Variants in SH3BGRL2 observed in about 807,000 individuals in gnomAD.
SH3BGRL2 encodes the protein SH3 domain binding glutamate rich protein like 2, also known as SH3 domain-binding glutamic acid-rich-like protein 2.
In SH3BGRL2, 21 loss-of-function variants were observed where a neutral mutation model predicts 14.8. The observed-to-expected ratio is 1.42, with a 90% CI of 1.01 to 2.05. SH3BGRL2 has a LOEUF of 2.05. Among genes scored for constraint, SH3BGRL2 ranks in the 30% most tolerant of loss-of-function variants. The pLI is 0.00. For missense variants in SH3BGRL2, 147 were observed against 130.8 expected, an observed-to-expected ratio of 1.12 and a Z score of -0.61; for synonymous variants, 50 against 47.8, an observed-to-expected ratio of 1.05 and a Z score of -0.19.
At chr6:79,586,002 C>A in the SH3BGRL2 span, among the ~76,000 whole-genome samples, 1 of 151,884 alleles carries the variant, frequency 6.6e-6, no homozygotes, top group Non-Finnish European at 1.5e-5. Flanking sequence ...TCGAGGCCAG[C>A]CTGACCAACA....
At position 79,673,631 on chromosome 6, in the gene SH3BGRL2, A is replaced by G. The variant is rs1355544480; in HGVS notation, c.63A>G (p.Gln21=). The G allele has an allele frequency of 6.2e-7, 1 of 1,614,046 alleles. No individual in the cohort carries two copies. The highest frequency in any genetic ancestry group is 1.3e-5 in the African/African-American group (1 of 75,028). The change falls in exon 2 of 4, where the codon CAA becomes CAG. Residue 21 remains glutamine (Q), a synonymous_variant. Transcript: ENST00000369838. The part of the protein sequence containing the change: ...SGFVAIKKKQ[Q]DVVRFLEANK... ...CTCTTTAGATAAAGAAGAAGCAGCA[A>G]GATGTGGTTAGATTTCTGGAAGCCA... is the stretch of plus-strand genomic sequence containing the variant.
At chr6:79,580,667 C>T in the SH3BGRL2 span, among the ~76,000 whole-genome samples, 1 of 152,126 alleles carries the variant, frequency 6.6e-6, no homozygotes, top group Non-Finnish European at 1.5e-5. Flanking sequence ...ATTTATAGCA[C>T]TAAATGCCCA....
chr6:79,610,257 C>T, the SH3BGRL2 span, among the ~76,000 whole-genome samples: 1 of 152,210 alleles, frequency 6.6e-6, no homozygotes, highest in African/African-American at 2.4e-5. Flanking sequence ...TGCATAGTCT[C>T]TTAACTCATT....
chr6:79,673,199 G>T (rs1883878), intron 1 of SH3BGRL2, among the ~76,000 whole-genome samples: 125,050 of 151,444 alleles, frequency 0.83, 51,749 homozygotes, highest in East Asian at 0.98. Context: ...GAGAACTAAG[G>T]CACTCTGTCA....
intron 3 of SH3BGRL2, among the ~76,000 whole-genome samples, chr6:79,699,076 A>C (rs1268352214): frequency 7.4e-6 from 1 of 134,492 alleles, no homozygotes; most frequent in Non-Finnish European, 1.6e-5. Context: ...GAGGGTGCGC[A>C]GGGGTGGCAG....
the SH3BGRL2 span, among the ~76,000 whole-genome samples, chr6:79,571,150 G>A: frequency 6.6e-6 from 1 of 152,190 alleles, no homozygotes. Flanking sequence ...GAATGAAAGC[G>A]CATTAATGCT....
In SH3BGRL2 at chr6:79,684,129, C is replaced by T. The variant is rs146232340; in HGVS notation, c.231+10330C>T. 2.0e-5 allele frequency among the ~76,000 whole-genome samples: 3 copies of T among 152,294 alleles called. No homozygotes were observed. In the East Asian group the frequency reaches 5.8e-4, roughly 29 times the overall value. ...TATTTAGGGCTAATGGCTACATCTA[C>T]TATATGATACTTAAGGGAAAGCCCT... On this transcript the variant is annotated intron_variant, in intron 2 of 3. Coordinates refer to ENST00000369838, the MANE Select transcript of SH3BGRL2 (RefSeq NM_031469.4).
chr6:79,562,357 A>T, the SH3BGRL2 span, among the ~76,000 whole-genome samples: 1 of 152,238 alleles, frequency 6.6e-6, no homozygotes, highest in Non-Finnish European at 1.5e-5. Context: ...AAATATTAAT[A>T]TGTAAGTGTG....
intron 2 of SH3BGRL2, among the ~76,000 whole-genome samples, chr6:79,684,925 C>G (rs1050202234): frequency 2.0e-5 from 3 of 152,062 alleles, no homozygotes. Flanking sequence ...TTCCAGATAC[C>G]AGGAGGGGAA....
chr6:79,667,270 C>A (rs144482773), intron 1 of SH3BGRL2, among the ~76,000 whole-genome samples: 2 of 152,070 alleles, frequency 1.3e-5, no homozygotes, highest in Non-Finnish European at 2.9e-5. Flanking sequence ...TACAGCTTGG[C>A]GCTTGCCTTG....
the SH3BGRL2 span, among the ~76,000 whole-genome samples, chr6:79,621,180 T>C: frequency 6.6e-6 from 1 of 152,172 alleles, no homozygotes; most frequent in Non-Finnish European, 1.5e-5. Context: ...GGAGTTAGGT[T>C]TTATCACTAT....
the SH3BGRL2 span, among the ~76,000 whole-genome samples, chr6:79,606,078 C>T: frequency 1.3e-5 from 2 of 152,040 alleles, no homozygotes; most frequent in Admixed American, 6.5e-5. Flanking sequence ...GAAACTGACA[C>T]TTAGGGGCAA....
At chr6:79,579,208 A>C in the SH3BGRL2 span, among the ~76,000 whole-genome samples, 1 of 152,240 alleles carries the variant, frequency 6.6e-6, no homozygotes. Context: ...GAATGGAACC[A>C]AGTTGGAAAA....
the SH3BGRL2 span, among the ~76,000 whole-genome samples, chr6:79,589,004 G>A: frequency 6.6e-6 from 1 of 151,790 alleles, no homozygotes; most frequent in Non-Finnish European, 1.5e-5. Flanking sequence ...CAAAATCCAA[G>A]GATATTCAAG....
chr6:79,599,010 G>A, the SH3BGRL2 span, among the ~76,000 whole-genome samples: 1 of 150,596 alleles, frequency 6.6e-6, no homozygotes, highest in Non-Finnish European at 1.5e-5. Context: ...GAACCTGGGA[G>A]GCAGAGGTTG....
intron 2 of SH3BGRL2, among the ~76,000 whole-genome samples, chr6:79,692,608 T>C (rs1770245003): frequency 6.6e-6 from 1 of 152,244 alleles, no homozygotes; most frequent in Non-Finnish European, 1.5e-5. Context: ...ATTTATTAAA[T>C]AGAGACTCCT....
chr6:79,616,549 G>A, the SH3BGRL2 span, among the ~76,000 whole-genome samples: 1 of 152,114 alleles, frequency 6.6e-6, no homozygotes, highest in East Asian at 1.9e-4. Context: ...CTTGTTCACT[G>A]ATTAGGAAGA....
the SH3BGRL2 span, among the ~76,000 whole-genome samples, chr6:79,609,365 G>A: frequency 6.6e-6 from 1 of 152,186 alleles, no homozygotes; most frequent in African/African-American, 2.4e-5. Flanking sequence ...GACTGGAAAA[G>A]GAGGAATGGT....
the SH3BGRL2 span, among the ~76,000 whole-genome samples, chr6:79,571,025 A>G: frequency 6.6e-6 from 1 of 152,360 alleles, no homozygotes; most frequent in African/African-American, 2.4e-5. Flanking sequence ...TGCATTTTAT[A>G]GAACTAACCT....
Sources: allele counts gnomAD v4.1 joint callset (sites outside exome capture counted in the v4.1 genomes callset), GRCh38; gene constraint gnomAD v4.1.1; transcripts MANE v1.5; gene names NCBI Gene and HGNC (gene_info 2026-07-23, HGNC 2026-07-21).